Variants in SS18L1 observed in about 807,000 individuals in gnomAD.
The protein encoded by SS18L1 is SS18L1 subunit of BAF chromatin remodeling complex.
In SS18L1, 32 loss-of-function variants were observed where a neutral mutation model predicts 70.3. The observed-to-expected ratio is 0.46, with a 90% CI of 0.34 to 0.61. The LOEUF is 0.61. Among genes scored for constraint, SS18L1 ranks in the 20% least tolerant of loss-of-function variants. SS18L1 has a pLI of 0.01. For missense variants in SS18L1, 430 were observed against 542.1 expected, an observed-to-expected ratio of 0.79 and a Z score of 2.05; for synonymous variants, 237 against 229.7, an observed-to-expected ratio of 1.03 and a Z score of -0.29.
rs1014607721 is a variant in SS18L1 at position 62,158,078 on chromosome 20, A to G, written c.70-594A>G. On this transcript the variant is annotated intron_variant, in intron 1 of 10. Transcript: ENST00000331758. This position sits in a 1 kb window ranked among gnomAD's most constrained non-coding sequence, Gnocchi z 4.5. ...CCCTGTGTGGTTGCAATTCGAGGCT[A>G]TCCCCTCCAGCTAGGGGCACCAGGG... Among the ~76,000 whole-genome samples, 19 of 152,212 alleles carry G rather than the reference A, an allele frequency of 1.2e-4. No homozygotes were observed. The highest frequency in any genetic ancestry group is 2.6e-4 in the African/African-American group (11 of 41,530).
In SS18L1 at chr20:62,162,734, C is replaced by T. The variant is rs1309782441; in HGVS notation, c.377-18C>T. 6.3e-7 allele frequency: 1 copy of T among 1,596,010 alleles called. No homozygotes were observed. Among genetic ancestry groups the T allele is most frequent in the Non-Finnish European group, 8.6e-7 (1 of 1,168,416 alleles). On this transcript the variant is annotated intron_variant, in intron 4 of 10. Coordinates refer to ENST00000331758, the MANE Select transcript of SS18L1 (RefSeq NM_198935.3). Reference sequence around the variant, plus strand: ...TGGCTCCCCAGTGCCTGACACCACTCCCTGCTCCCCATGCCAGGGCCGAGC... The same window carrying T: ...TGGCTCCCCAGTGCCTGACACCACTTCCTGCTCCCCATGCCAGGGCCGAGC...
At position 62,161,960 on chromosome 20, in the gene SS18L1, T is replaced by A. The variant is rs1568750166; in HGVS notation, c.376+380T>A. Among the ~76,000 whole-genome samples, 1 of 152,162 alleles carries A rather than the reference T, an allele frequency of 6.6e-6. No homozygotes were observed. Among genetic ancestry groups the A allele is most frequent in the Non-Finnish European group, 1.5e-5 (1 of 68,030 alleles). ...AACAGGCCGGGTGTGGTGGCTCAGA[T>A]CTCTAATCCCAACCCTTTGTGAGGC... is the stretch of plus-strand genomic sequence containing the variant. On this transcript the variant is annotated intron_variant, in intron 4 of 10. Coordinates refer to ENST00000331758, the MANE Select transcript of SS18L1 (RefSeq NM_198935.3). This position sits in a 1 kb window ranked among gnomAD's most constrained non-coding sequence, Gnocchi z 4.4.
chr20:62,157,255 G>A (rs1232376775), intron 1 of SS18L1, among the ~76,000 whole-genome samples: 8 of 151,984 alleles, frequency 5.3e-5, no homozygotes, highest in Admixed American at 6.5e-5. Context: ...GACTCAGCAC[G>A]TCCTGACTAC....
intron 1 of SS18L1, among the ~76,000 whole-genome samples, chr20:62,157,386 G>T (rs2057243032): frequency 6.6e-6 from 1 of 152,220 alleles, no homozygotes; most frequent in African/African-American, 2.4e-5. Context: ...GAATCTGTGG[G>T]CCCAGCCCCC....
At chr20:62,175,343 A>G in intron 10 of SS18L1, 1 of 985,404 alleles carries the variant, frequency 1.0e-6, no homozygotes, top group Non-Finnish European at 1.2e-6. Flanking sequence ...TAAAGCAGAC[A>G]TCGCTTTCCC....
intron 10 of SS18L1, among the ~76,000 whole-genome samples, chr20:62,178,334 G>A (rs6121945): frequency 0.12 from 18,328 of 150,624 alleles, 1,543 homozygotes; most frequent in Non-Finnish European, 0.17. Context: ...TGTATTTTTA[G>A]TAGAGATGGG....
chr20:62,163,735 G>T, intron 6 of SS18L1, 113 bp downstream of exon 6: 1 of 1,379,988 alleles, frequency 7.2e-7, no homozygotes, highest in Non-Finnish European at 9.6e-7. Context: ...GGGGAGCCTG[G>T]GGGAGTGAGG....
chr20:62,172,863 G>T lies in SS18L1; in HGVS notation c.1036+62G>T, dbSNP rs55710234. The stretch of plus-strand genomic sequence containing the variant: ...CCCACCCCTGCCCCTGCCACACATG[G>T]GTACGTGCTCAGTACCCCAGCCAGC... On this transcript the variant is annotated intron_variant, in intron 9 of 10. Coordinates refer to ENST00000331758, the MANE Select transcript of SS18L1 (RefSeq NM_198935.3). The T allele has an allele frequency of 3.8e-4, 597 of 1,583,926 alleles. 4 individuals are homozygous for T. In the African/African-American group the frequency reaches 6.7e-3, roughly 18 times the overall value.
At chr20:62,160,143 A>C (rs1324495871) in intron 3 of SS18L1, among the ~76,000 whole-genome samples, 182 bp downstream of exon 3, 1 of 147,598 alleles carries the variant, frequency 6.8e-6, no homozygotes, top group Non-Finnish European at 1.5e-5. Context: ...ACAGACTGGG[A>C]GTAATGACAG....
rs760260956 is a variant in SS18L1 at position 62,159,740 on chromosome 20, T to C, written c.147-137T>C. 1.3e-5 allele frequency: 10 copies of C among 767,426 alleles called. No homozygotes were observed. The highest frequency in any genetic ancestry group is 2.6e-5 in the Admixed American group (1 of 37,880). 47.5% of individuals were successfully genotyped at this position (767,426 alleles called of 1,614,324 possible). A position where few individuals can be genotyped will look rare whatever the true frequency, so the allele number is the denominator to read the frequency against. The stretch of plus-strand genomic sequence containing the variant: ...TGCCACCTGCCTGTGTCCAGCTGGG[T>C]GTCATCTGGGGTCCATGTCCTCATG... On this transcript the variant is annotated intron_variant, in intron 2 of 10. Coordinates refer to ENST00000331758, the MANE Select transcript of SS18L1 (RefSeq NM_198935.3). The surrounding 1 kb of genome is among the most constrained non-coding windows in gnomAD (Gnocchi z 4.4).
At chr20:62,144,965 C>T (rs1349810814) in intron 1 of SS18L1, among the ~76,000 whole-genome samples, 1 of 152,236 alleles carries the variant, frequency 6.6e-6, no homozygotes, top group Non-Finnish European at 1.5e-5. Flanking sequence ...GGCTGTTATT[C>T]CTTGATGACG....
At chr20:62,160,009 A>G (rs1185725477) in intron 3 of SS18L1, 48 bp downstream of exon 3, 4 of 1,551,284 alleles carry the variant, frequency 2.6e-6, no homozygotes, top group Non-Finnish European at 3.5e-6. Context: ...AAGGACTCCG[A>G]CACTGCCTAA....
intron 9 of SS18L1, among the ~76,000 whole-genome samples, chr20:62,173,636 A>G (rs2057570171): frequency 6.8e-6 from 1 of 147,742 alleles, no homozygotes; most frequent in Non-Finnish European, 1.5e-5. Flanking sequence ...TTGAACCAGG[A>G]GGTAGAGGTC....
chr20:62,156,827 G>A (rs964474563), intron 1 of SS18L1, among the ~76,000 whole-genome samples: 4 of 152,252 alleles, frequency 2.6e-5, no homozygotes, highest in Non-Finnish European at 4.4e-5. Flanking sequence ...TCCAGGGCCT[G>A]TAGAGCTCCT....
Position 62,149,440 on chromosome 20 carries a change from G to A in SS18L1, c.69+5551G>A, listed in dbSNP as rs74739771. On this transcript the variant is annotated intron_variant, in intron 1 of 10. Transcript: ENST00000331758. Reference sequence around the variant, plus strand: ...CACAGCTGCTGTGCACAATGGGGACGGAAATGGGCTGTTTATATCCTCCTC... The same window carrying A: ...CACAGCTGCTGTGCACAATGGGGACAGAAATGGGCTGTTTATATCCTCCTC... 5.1e-3 allele frequency among the ~76,000 whole-genome samples: 781 copies of A among 152,350 alleles called. 3 individuals are homozygous for A. Among genetic ancestry groups the A allele is most frequent in the African/African-American group, 0.016 (670 of 41,574 alleles).
intron 1 of SS18L1, among the ~76,000 whole-genome samples, chr20:62,151,857 C>T (rs985456270): frequency 7.0e-6 from 1 of 142,566 alleles, no homozygotes; most frequent in Non-Finnish European, 1.5e-5. Flanking sequence ...CCCCTCTTTT[C>T]CCGCTCCCCA....
chr20:62,168,839 T>C (rs1001763035), intron 8 of SS18L1, among the ~76,000 whole-genome samples: 3 of 152,076 alleles, frequency 2.0e-5, no homozygotes, highest in Admixed American at 6.5e-5. Context: ...TTTCCAACTT[T>C]TGAGTCATCC....
intron 6 of SS18L1, among the ~76,000 whole-genome samples, 155 bp from the exon 7 acceptor site, chr20:62,163,990 A>G (rs929303718): frequency 1.3e-5 from 2 of 152,158 alleles, no homozygotes; most frequent in Non-Finnish European, 2.9e-5. Context: ...TGTACTAAAA[A>G]TACAAAACAT....
intron 10 of SS18L1, chr20:62,175,173 C>G: frequency 3.2e-6 from 3 of 941,426 alleles, no homozygotes; most frequent in Non-Finnish European, 3.8e-6. Context: ...CAGGCTCAGC[C>G]TAGGGAGGGG....
Sources: allele counts gnomAD v4.1 joint callset (sites outside exome capture counted in the v4.1 genomes callset), GRCh38; gene constraint gnomAD v4.1.1; non-coding constraint Gnocchi (gnomAD v3.1); transcripts MANE v1.5; gene names NCBI Gene and HGNC (gene_info 2026-07-23, HGNC 2026-07-21).